Variants in CMTM8 observed in about 807,000 individuals in gnomAD.
The protein encoded by CMTM8 is CKLF like MARVEL transmembrane domain containing 8, also known as CKLF-like MARVEL transmembrane domain-containing protein 8.
Under a neutral mutation model 18.6 loss-of-function variants are expected in CMTM8, and 12 were observed. The observed-to-expected ratio is 0.65, with a 90% CI of 0.41 to 1.05. The LOEUF (loss-of-function observed/expected upper bound fraction) is 1.05, where lower values mean the gene tolerates loss of function less well. CMTM8 is among the 50% of genes least tolerant of loss of function. The pLI is 0.00. For synonymous variants in CMTM8, 87 were observed against 90.6 expected (o/e 0.96, Z 0.23); for missense variants, 217 against 227.2 (o/e 0.95, Z 0.29).
intron 1 of CMTM8, among the ~76,000 whole-genome samples, chr3:32,345,565 T>C (rs1696581569): frequency 1.3e-5 from 2 of 152,186 alleles, no homozygotes. Context: ...TTAATTGAGC[T>C]CATTAACTTA....
At chr3:32,244,550 AC>A (rs1436889079) in intron 1 of CMTM8, among the ~76,000 whole-genome samples, 1 of 152,040 alleles carries the variant, frequency 6.6e-6, no homozygotes, top group Admixed American at 6.6e-5. Context: ...CTCCTTTTAT[AC>A]TTTTTTCTTT....
intron 2 of CMTM8, among the ~76,000 whole-genome samples, chr3:32,357,775 T>C (rs1000225788): frequency 1.3e-5 from 2 of 152,168 alleles, no homozygotes; most frequent in African/African-American, 4.8e-5. Context: ...TCAGGCAGAA[T>C]TGCAAACCAA....
chr3:32,245,283 T>C (rs1249483592), intron 1 of CMTM8, among the ~76,000 whole-genome samples: 3 of 152,192 alleles, frequency 2.0e-5, no homozygotes, highest in African/African-American at 7.2e-5. Flanking sequence ...GGAAATGAAA[T>C]TAGGCAGAGA....
intron 1 of CMTM8, among the ~76,000 whole-genome samples, chr3:32,279,139 C>T (rs1216490740): frequency 6.7e-6 from 1 of 150,230 alleles, no homozygotes; most frequent in Non-Finnish European, 1.5e-5. Context: ...ATGCCACCCA[C>T]GGTTCTGTAT....
intron 1 of CMTM8, among the ~76,000 whole-genome samples, chr3:32,254,268 G>A (rs1702149465): frequency 1.3e-5 from 2 of 152,072 alleles, no homozygotes; most frequent in Admixed American, 6.5e-5. Context: ...CAATTGAGTG[G>A]CATTTACTAC....
chr3:32,276,973 G>T (rs949078514), intron 1 of CMTM8, among the ~76,000 whole-genome samples: 4 of 151,742 alleles, frequency 2.6e-5, no homozygotes, highest in African/African-American at 9.7e-5. Context: ...CTGCATCCTT[G>T]AACTTGGCTC....
At chr3:32,301,469 A>G (rs1002337070) in intron 1 of CMTM8, among the ~76,000 whole-genome samples, 2 of 152,174 alleles carry the variant, frequency 1.3e-5, no homozygotes, top group African/African-American at 2.4e-5. Context: ...TTAAATAATC[A>G]TTCAATATAT....
rs563570043 is a variant in CMTM8 at position 32,316,918 on chromosome 3, A to G, written c.148-40455A>G. On this transcript the variant is annotated intron_variant, in intron 1 of 3. Coordinates refer to ENST00000307526, the MANE Select transcript of CMTM8 (RefSeq NM_178868.5). Reference sequence around the variant, plus strand: ...CTATGATAGGAGGTTGTTTTTGCATATAATTTACTCCTAAAAATGCAGGAC... The same window carrying G: ...CTATGATAGGAGGTTGTTTTTGCATGTAATTTACTCCTAAAAATGCAGGAC... Among the ~76,000 whole-genome samples the G allele has an allele frequency of 5.9e-5, 9 of 152,372 alleles. No individual in the cohort carries two copies. In the South Asian group the frequency reaches 1.9e-3, roughly 32 times the overall value.
intron 1 of CMTM8, among the ~76,000 whole-genome samples, chr3:32,354,453 C>G (rs141029722): frequency 1.8e-4 from 27 of 152,284 alleles, no homozygotes; most frequent in African/African-American, 6.5e-4. Flanking sequence ...AAAGACGGCT[C>G]AGTTAACAAT....
At chr3:32,352,972 C>T (rs1248152417) in intron 1 of CMTM8, among the ~76,000 whole-genome samples, 1 of 151,368 alleles carries the variant, frequency 6.6e-6, no homozygotes, top group East Asian at 1.9e-4. Context: ...ACAGAGTAAA[C>T]TAAGGTTTTT....
At chr3:32,243,043 C>T (rs1187623171) in intron 1 of CMTM8, among the ~76,000 whole-genome samples, 1 of 151,552 alleles carries the variant, frequency 6.6e-6, no homozygotes, top group African/African-American at 2.4e-5. Context: ...TAGGCGTGCA[C>T]CACCAAGCCT....
chr3:32,267,310 A>G (rs529923722), intron 1 of CMTM8, among the ~76,000 whole-genome samples: 3 of 152,316 alleles, frequency 2.0e-5, no homozygotes, highest in East Asian at 1.9e-4. Flanking sequence ...ATCTACAACT[A>G]TCTGATCTTT....
chr3:32,336,779 G>A (rs6776297), intron 1 of CMTM8, among the ~76,000 whole-genome samples: 119,570 of 152,110 alleles, frequency 0.79, 47,192 homozygotes, highest in Middle Eastern at 0.91. Flanking sequence ...GGGAGATAGC[G>A]TTCATTTTTT....
At chr3:32,366,507 G>A (rs1188240634) in intron 2 of CMTM8, among the ~76,000 whole-genome samples, 1 of 152,152 alleles carries the variant, frequency 6.6e-6, no homozygotes, top group Non-Finnish European at 1.5e-5. Context: ...CTTGTATAAA[G>A]AACTAGACAT....
chr3:32,350,645 C>T (rs1187820086), intron 1 of CMTM8, among the ~76,000 whole-genome samples: 7 of 152,198 alleles, frequency 4.6e-5, no homozygotes, highest in African/African-American at 9.6e-5. Flanking sequence ...CTCAGCCTCC[C>T]GAGTAGCTGG....
intron 1 of CMTM8, among the ~76,000 whole-genome samples, chr3:32,332,840 A>G (rs528428015): frequency 1.5e-3 from 227 of 152,280 alleles, no homozygotes; most frequent in African/African-American, 5.4e-3. Context: ...TTGGTCCTCA[A>G]AAGGCCCCCC....
chr3:32,325,262 A>T (rs1696129400), intron 1 of CMTM8, among the ~76,000 whole-genome samples: 1 of 152,204 alleles, frequency 6.6e-6, no homozygotes, highest in African/African-American at 2.4e-5. Context: ...TTACATGCCT[A>T]TTTAAATTGT....
chr3:32,332,795 A>G (rs2125584792), intron 1 of CMTM8, among the ~76,000 whole-genome samples: 3 of 152,228 alleles, frequency 2.0e-5, no homozygotes, highest in African/African-American at 7.2e-5. Context: ...GAAAAGAGTT[A>G]CCTTCCCCAC....
At chr3:32,361,286 G>GTTTTTTTTTTGTTTTTTTTGT (rs58364646) in intron 2 of CMTM8, among the ~76,000 whole-genome samples, 1 of 87,230 alleles carries the variant, frequency 1.1e-5, no homozygotes, top group African/African-American at 4.0e-5. Flanking sequence ...CAGCCTAAGA[G>GTTTTTTTTTTGTTTTTTTTGT]TTTTTTTTTC....
Sources: allele counts gnomAD v4.1 joint callset (sites outside exome capture counted in the v4.1 genomes callset), GRCh38; gene constraint gnomAD v4.1.1; transcripts MANE v1.5; gene names NCBI Gene and HGNC (gene_info 2026-07-23, HGNC 2026-07-21).